Variants in USP15 observed in about 807,000 individuals in gnomAD.
USP15 encodes ubiquitin carboxyl-terminal hydrolase 15.
Under a neutral mutation model 127.1 loss-of-function variants are expected in USP15, and 18 were observed. The observed-to-expected ratio is 0.14, with a 90% CI of 0.10 to 0.21. USP15 has a LOEUF of 0.21. USP15 is among the 10% of genes least tolerant of loss of function. USP15 has a pLI of 1.00. For synonymous variants in USP15, 364 were observed against 393.7 expected, an observed-to-expected ratio of 0.92 and a Z score of 0.89; for missense variants, 805 against 1,159.9, an observed-to-expected ratio of 0.69 and a Z score of 4.44.
chr12:62,333,503 G>T (rs1301402009), intron 6 of USP15, among the ~76,000 whole-genome samples: 2 of 152,028 alleles, frequency 1.3e-5, no homozygotes, highest in Non-Finnish European at 2.9e-5. Flanking sequence ...TCACCATGTT[G>T]CCCAGGCTGG....
chr12:62,365,832 G>C (rs2066459077), intron 8 of USP15, among the ~76,000 whole-genome samples: 1 of 152,090 alleles, frequency 6.6e-6, no homozygotes, highest in Admixed American at 6.5e-5. Flanking sequence ...TTGCTTGTTT[G>C]TGTCAGGTTT....
intron 1 of USP15, among the ~76,000 whole-genome samples, chr12:62,290,104 G>A (rs2063914755): frequency 6.6e-6 from 1 of 152,146 alleles, no homozygotes. Flanking sequence ...GGGCTAGAAT[G>A]TTCTGCAAAT....
chr12:62,407,436 A>C lies in USP15; in HGVS notation c.*3061A>C, dbSNP rs1410973858. On this transcript the variant is annotated 3_prime_UTR_variant, in exon 22 of 22. Coordinates refer to ENST00000280377, the MANE Select transcript of USP15 (RefSeq NM_001252078.2). The stretch of plus-strand genomic sequence containing the variant: ...TGTAAACTTTATTACACACTCACTG[A>C]TTTCTTCAGTCTAAATAGAAAGACA... The C allele has an allele frequency of 6.6e-6, 1 of 152,156 alleles. No homozygotes were observed. Among genetic ancestry groups the C allele is most frequent in the Non-Finnish European group, 1.5e-5 (1 of 68,014 alleles). The allele number at this position is 152,156 out of a possible 1,614,324, so 9.4% of individuals were successfully genotyped here. A position where few individuals can be genotyped will look rare whatever the true frequency, so the allele number is the denominator to read the frequency against.
intron 4 of USP15, 54 bp from the exon 5 acceptor site, chr12:62,321,410 T>C: frequency 1.8e-6 from 2 of 1,136,944 alleles, no homozygotes; most frequent in Non-Finnish European, 2.4e-6. Flanking sequence ...TAGCTGTATG[T>C]GGTATATTTT....
intron 1 of USP15, among the ~76,000 whole-genome samples, chr12:62,287,120 G>A (rs1416547576): frequency 6.6e-6 from 1 of 151,902 alleles, no homozygotes; most frequent in African/African-American, 2.4e-5. Flanking sequence ...TAAACATTGG[G>A]TATACACGAA....
chr12:62,347,797 A>G (rs1208257655), intron 6 of USP15, among the ~76,000 whole-genome samples: 1 of 152,218 alleles, frequency 6.6e-6, no homozygotes, highest in Non-Finnish European at 1.5e-5. Context: ...GTACGTAACT[A>G]GAAATCCCAC....
intron 4 of USP15, among the ~76,000 whole-genome samples, chr12:62,320,358 C>T (rs2064950635): frequency 6.6e-6 from 1 of 152,180 alleles, no homozygotes; most frequent in Non-Finnish European, 1.5e-5. Flanking sequence ...CCTTCGCCTT[C>T]CACCATGATT....
chr12:62,333,764 A>G (rs1397797898), intron 6 of USP15, among the ~76,000 whole-genome samples: 1 of 152,206 alleles, frequency 6.6e-6, no homozygotes, highest in Non-Finnish European at 1.5e-5. Flanking sequence ...GAACTGCAGT[A>G]TGGAGTACTG....
At position 62,390,616 on chromosome 12, in the gene USP15, A is replaced by G. The variant is rs892243699; in HGVS notation, c.1845-248A>G. 2.0e-5 allele frequency among the ~76,000 whole-genome samples: 3 copies of G among 152,126 alleles called. No homozygotes were observed. The East Asian group carries it at 5.8e-4, about 29-fold the overall frequency. On this transcript the variant is annotated intron_variant, in intron 14 of 21. Transcript: ENST00000280377. ...TACCATCTAAATAGGGTAAGTTGAG[A>G]AATTATTTGCAACAAACATTTAACA...
At chr12:62,284,149 A>G (rs531475975) in intron 1 of USP15, among the ~76,000 whole-genome samples, 1 of 152,348 alleles carries the variant, frequency 6.6e-6, no homozygotes, top group East Asian at 1.9e-4. Flanking sequence ...GTGGCTGTGG[A>G]TAAGAAGACT....
intron 3 of USP15, among the ~76,000 whole-genome samples, chr12:62,313,233 T>C (rs1286357796): frequency 6.6e-6 from 1 of 151,658 alleles, no homozygotes; most frequent in Non-Finnish European, 1.5e-5. Context: ...ACAATAACTC[T>C]GACAGTTAAG....
At chr12:62,314,754 T>C (rs371240597) in intron 3 of USP15, 36 bp from the exon 4 acceptor site, 13 of 1,483,418 alleles carry the variant, frequency 8.8e-6, no homozygotes, top group Non-Finnish European at 1.2e-5. Context: ...TATATTGATA[T>C]AGGTGACACT....
chr12:62,277,693 A>G (rs572508037), intron 1 of USP15: 1 of 107,154 alleles, frequency 9.3e-6, no homozygotes, highest in Non-Finnish European at 1.9e-5. Context: ...AACGCTAAAA[A>G]TAGATGATAA....
At chr12:62,345,664 A>G (rs11174433) in intron 6 of USP15, among the ~76,000 whole-genome samples, 50,430 of 151,924 alleles carry the variant, frequency 0.33, 8,915 homozygotes, top group African/African-American at 0.46. Flanking sequence ...CAGTTTTCAT[A>G]CTGCTGATAA....
chr12:62,404,024 A>C (rs1355533867), intron 21 of USP15, among the ~76,000 whole-genome samples, 169 bp from the exon 22 acceptor site: 1 of 151,776 alleles, frequency 6.6e-6, no homozygotes, highest in Non-Finnish European at 1.5e-5. Flanking sequence ...ATTCTTTATT[A>C]GAAATCATCT....
intron 1 of USP15, among the ~76,000 whole-genome samples, chr12:62,275,664 G>T (rs542747790): frequency 5.9e-5 from 9 of 152,172 alleles, no homozygotes; most frequent in African/African-American, 2.2e-4. Context: ...AATCCCTGTT[G>T]AAATGCTGGT....
rs1020905926 is a variant in USP15 at position 62,406,811 on chromosome 12, T to G, written c.*2436T>G. 4.6e-5 allele frequency: 7 copies of G among 151,992 alleles called. No homozygotes were observed. Among genetic ancestry groups the G allele is most frequent in the Admixed American group, 3.3e-4 (5 of 15,248 alleles). 9.4% of individuals were successfully genotyped at this position (151,992 alleles called of 1,614,324 possible). ...CCTCATCTGTACAAATATATGTATT[T>G]TTTTTTAATTAGCTGGGTGTGCACA... is the stretch of plus-strand genomic sequence containing the variant. On this transcript the variant is annotated 3_prime_UTR_variant, in exon 22 of 22. Transcript: ENST00000280377.
At chr12:62,391,003 A>T in intron 15 of USP15, 24 bp downstream of exon 15, 1 of 1,591,834 alleles carries the variant, frequency 6.3e-7, no homozygotes, top group Middle Eastern at 1.7e-4. Flanking sequence ...GTTAAATTGT[A>T]CAAATGTTTC....
At chr12:62,324,852 A>G (rs2065084322) in intron 5 of USP15, among the ~76,000 whole-genome samples, 1 of 152,010 alleles carries the variant, frequency 6.6e-6, no homozygotes, top group Admixed American at 6.6e-5. Context: ...ATGCCAATTT[A>G]TAAATGACCT....
Sources: gnomAD v4.1 joint callset for allele counts (sites outside exome capture counted in the v4.1 genomes callset) on GRCh38, gnomAD v4.1.1 for gene constraint, MANE v1.5 for transcripts, NCBI Gene and HGNC (gene_info 2026-07-23, HGNC 2026-07-21) for gene names.